The following KIAA1328 variants were observed in gnomAD, a reference collection of about 807,000 sequenced individuals.
The protein encoded by KIAA1328 is protein hinderin.
KIAA1328 carries 52 observed loss-of-function variants against 68.1 expected under a neutral mutation model. The observed-to-expected ratio is 0.76, with a 90% CI of 0.61 to 0.96. The LOEUF (loss-of-function observed/expected upper bound fraction) is 0.96, where lower values mean the gene tolerates loss of function less well. Ranked by LOEUF, KIAA1328 falls within the 40% of genes least tolerant of loss-of-function variation. KIAA1328 has a pLI of 0.00. For synonymous variants in KIAA1328, 232 were observed against 239.4 expected (o/e 0.97, Z 0.28); for missense variants, 641 against 677.6 (o/e 0.95, Z 0.60).
At position 37,092,050 on chromosome 18, in the gene KIAA1328, C is replaced by T. The variant is rs533296159; in HGVS notation, c.1232+24505C>T. Reference sequence around the variant, plus strand: ...CCCATTCTACCCACTACCAGCAGTGCCCAGGCATGCCATCCGGTAGCCTGG... The same window carrying T: ...CCCATTCTACCCACTACCAGCAGTGTCCAGGCATGCCATCCGGTAGCCTGG... On this transcript the variant is annotated intron_variant, in intron 7 of 9. Coordinates refer to ENST00000280020, the MANE Select transcript of KIAA1328 (RefSeq NM_020776.3). Among the ~76,000 whole-genome samples the T allele has an allele frequency of 2.0e-5, 3 of 152,236 alleles. No homozygotes were observed. The South Asian group carries it at 6.2e-4, about 32-fold the overall frequency.
chr18:36,934,812 T>C (rs1375298714), intron 5 of KIAA1328, among the ~76,000 whole-genome samples: 1 of 152,230 alleles, frequency 6.6e-6, no homozygotes, highest in Non-Finnish European at 1.5e-5. Flanking sequence ...AGACAAAGCT[T>C]GGAGAAAGGA....
At chr18:36,843,857 A>C (rs2046939624) in intron 3 of KIAA1328, among the ~76,000 whole-genome samples, 1 of 152,146 alleles carries the variant, frequency 6.6e-6, no homozygotes, top group Non-Finnish European at 1.5e-5. Flanking sequence ...GTATACCCTT[A>C]AGCAGCGTGG....
In KIAA1328 at chr18:36,896,552, C is replaced by G. The variant is rs1015306370; in HGVS notation, c.448+10880C>G. On this transcript the variant is annotated intron_variant, in intron 5 of 9. Transcript: ENST00000280020. ...CTAAGGATTTCATTTCTTTTTGATA[C>G]CCACATGTAAATAAGCTCAGCAAAC... 2.0e-5 allele frequency among the ~76,000 whole-genome samples: 3 copies of G among 152,048 alleles called. No individual in the cohort carries two copies. The South Asian group carries it at 6.2e-4, about 32-fold the overall frequency.
intron 4 of KIAA1328, among the ~76,000 whole-genome samples, chr18:36,880,300 C>A (rs375786539): frequency 6.6e-6 from 1 of 152,112 alleles, no homozygotes. Flanking sequence ...CAATGCCTTG[C>A]GCTTCCGGGG....
At chr18:37,045,432 T>C (rs2151639989) in intron 6 of KIAA1328, among the ~76,000 whole-genome samples, 1 of 152,318 alleles carries the variant, frequency 6.6e-6, no homozygotes, top group East Asian at 1.9e-4. Context: ...TTTTGTTCTT[T>C]GGTCTTCATT....
Position 37,130,873 on chromosome 18 carries a change from G to A in KIAA1328, c.1233-29327G>A, listed in dbSNP as rs115452119. ...TGATTTTTTTCTAGATTTCCTTTTA[G>A]GGTTTGGGGGATTGGTTTTGGCCAT... On this transcript the variant is annotated intron_variant, in intron 7 of 9. Coordinates refer to ENST00000280020, the MANE Select transcript of KIAA1328 (RefSeq NM_020776.3). Among the ~76,000 whole-genome samples, 1,034 of 152,218 alleles carry A rather than the reference G, an allele frequency of 6.8e-3. 15 individuals carry two copies. The highest frequency in any genetic ancestry group is 0.023 in the African/African-American group (960 of 41,528).
chr18:37,155,442 TCTTGA>T (rs1338934576), intron 7 of KIAA1328, among the ~76,000 whole-genome samples: 2 of 152,184 alleles, frequency 1.3e-5, no homozygotes, highest in African/African-American at 4.8e-5. Flanking sequence ...TGGCAGTCAT[TCTTGA>T]CTTTTCTCTC....
rs1230524582 is a variant in KIAA1328, at chr18:37,032,015, C to CA, written c.577-34868dup. On this transcript the variant is annotated intron_variant, in intron 6 of 9. Transcript: ENST00000280020. Reference sequence around the variant, plus strand: ...AACCCCATCTCTACAAAGAAAGAAACAAAAAAACTAAAATACTAGCCAGGT... The same window carrying CA: ...AACCCCATCTCTACAAAGAAAGAAACAAAAAAAACTAAAATACTAGCCAGGT... 2.2e-4 allele frequency among the ~76,000 whole-genome samples: 33 copies of CA among 151,704 alleles called. No individual in the cohort carries two copies. In the East Asian group the frequency reaches 6.4e-3, roughly 29 times the overall value.
chr18:37,105,938 AAAAAAAAG>A (rs1369645348), intron 7 of KIAA1328, among the ~76,000 whole-genome samples: 2 of 148,936 alleles, frequency 1.3e-5, no homozygotes, highest in Non-Finnish European at 3.0e-5. Context: ...AAAAAAAAAA[AAAAAAAAG>A]AATTATAGTA....
At chr18:37,093,133 T>C (rs1179333372) in intron 7 of KIAA1328, among the ~76,000 whole-genome samples, 1 of 152,146 alleles carries the variant, frequency 6.6e-6, no homozygotes, top group Non-Finnish European at 1.5e-5. Context: ...ACTATAAATA[T>C]ATTTATAGAA....
intron 7 of KIAA1328, among the ~76,000 whole-genome samples, chr18:37,154,042 C>G (rs2154210451): frequency 6.6e-6 from 1 of 152,184 alleles, no homozygotes; most frequent in South Asian, 2.1e-4. Context: ...ATCCGTGTTT[C>G]CTAGGAAATG....
At chr18:37,166,251 C>G (rs1448869244) in intron 8 of KIAA1328, among the ~76,000 whole-genome samples, 1 of 152,068 alleles carries the variant, frequency 6.6e-6, no homozygotes, top group African/African-American at 2.4e-5. Flanking sequence ...AGAAACAAAA[C>G]CAATTCTTAG....
At chr18:36,911,415 GA>G (rs2049443467) in intron 5 of KIAA1328, among the ~76,000 whole-genome samples, 1 of 152,106 alleles carries the variant, frequency 6.6e-6, no homozygotes, top group South Asian at 2.1e-4. Flanking sequence ...AGGCAGGAGA[GA>G]ATACTAATGA....
chr18:36,986,279 C>T (rs569114982), intron 6 of KIAA1328, among the ~76,000 whole-genome samples: 2 of 152,002 alleles, frequency 1.3e-5, no homozygotes, highest in South Asian at 2.1e-4. Context: ...ACTACTGATA[C>T]GTTCAGTAAC....
intron 4 of KIAA1328, among the ~76,000 whole-genome samples, chr18:36,854,182 T>C (rs1178147975): frequency 1.3e-5 from 2 of 152,176 alleles, no homozygotes; most frequent in East Asian, 1.9e-4. Context: ...GGAAAGACTA[T>C]GTGAGGACAC....
intron 4 of KIAA1328, among the ~76,000 whole-genome samples, chr18:36,845,910 T>C (rs2047012164): frequency 6.6e-6 from 1 of 151,690 alleles, no homozygotes; most frequent in African/African-American, 2.4e-5. Flanking sequence ...TTTTCTTTTT[T>C]TGTAATTTCT....
chr18:36,951,232 T>C (rs976269346), intron 5 of KIAA1328, among the ~76,000 whole-genome samples: 7 of 152,194 alleles, frequency 4.6e-5, no homozygotes, highest in Non-Finnish European at 1.0e-4. Flanking sequence ...GTCATTACTC[T>C]TCATTTGTTT....
At chr18:36,840,255 T>C (rs1431861500) in intron 3 of KIAA1328, among the ~76,000 whole-genome samples, 1 of 152,154 alleles carries the variant, frequency 6.6e-6, no homozygotes, top group Non-Finnish European at 1.5e-5. Flanking sequence ...ATGAAAACTA[T>C]TGTTTCCTGT....
At chr18:36,933,783 G>A (rs1223383050) in intron 5 of KIAA1328, among the ~76,000 whole-genome samples, 1 of 152,226 alleles carries the variant, frequency 6.6e-6, no homozygotes, top group African/African-American at 2.4e-5. Context: ...ACGCTCCTGT[G>A]GAGCAGCCAG....
Sources: gnomAD v4.1 joint callset for allele counts (sites outside exome capture counted in the v4.1 genomes callset) on GRCh38, gnomAD v4.1.1 for gene constraint, MANE v1.5 for transcripts, NCBI Gene and HGNC (gene_info 2026-07-23, HGNC 2026-07-21) for gene names.